The following DST variants were observed in gnomAD, a reference collection of about 807,000 sequenced individuals.
The protein encoded by DST is bullous pemphigoid antigen.
DST carries 253 observed loss-of-function variants against 875.2 expected under a neutral mutation model. That is an observed-to-expected ratio of 0.29 (90% CI 0.26 to 0.32). The LOEUF (loss-of-function observed/expected upper bound fraction) is 0.32. Among genes scored for constraint, DST ranks in the 10% least tolerant of loss-of-function variants. The pLI is 1.00. For missense variants in DST, 8,287 were observed against 9,111.6 expected (o/e 0.91, Z 3.68); for synonymous variants, 3,124 against 3,197.1 (o/e 0.98, Z 0.77).
At chr6:56,834,455 G>A (rs947686211) in intron 4 of DST, among the ~76,000 whole-genome samples, 4 of 151,980 alleles carry the variant, frequency 2.6e-5, no homozygotes, top group Admixed American at 2.0e-4. Flanking sequence ...AAATTAGCCA[G>A]GCGTGGTGGC....
intron 4 of DST, among the ~76,000 whole-genome samples, chr6:56,820,343 A>G (rs1431221527): frequency 6.6e-6 from 1 of 152,216 alleles, no homozygotes; most frequent in Admixed American, 6.5e-5. Context: ...ACTCATAACA[A>G]CTTGAGAGTG....
At chr6:56,490,330 G>A (rs542287929) in intron 85 of DST, among the ~76,000 whole-genome samples, 1 of 152,158 alleles carries the variant, frequency 6.6e-6, no homozygotes, top group East Asian at 1.9e-4. Context: ...TTTTCGGTTT[G>A]TCATCAAGAA....
At chr6:56,658,605 A>T (rs1332327375) in intron 10 of DST, among the ~76,000 whole-genome samples, 1 of 152,242 alleles carries the variant, frequency 6.6e-6, no homozygotes, top group East Asian at 1.9e-4. Flanking sequence ...TCAGCATAAA[A>T]ACAACACCAT....
At chr6:56,705,870 T>C (rs1224847619) in intron 5 of DST, among the ~76,000 whole-genome samples, 1 of 152,256 alleles carries the variant, frequency 6.6e-6, no homozygotes, top group Non-Finnish European at 1.5e-5. Flanking sequence ...TCTTTACAAA[T>C]TGACATTTTA....
chr6:56,596,478 A>T (rs1350464458), intron 47 of DST, among the ~76,000 whole-genome samples: 1 of 152,194 alleles, frequency 6.6e-6, no homozygotes, highest in East Asian at 1.9e-4. Flanking sequence ...TACTTTGGTC[A>T]ACTTACTAAC....
At chr6:56,662,033 G>C (rs985150289) in intron 10 of DST, among the ~76,000 whole-genome samples, 1 of 151,936 alleles carries the variant, frequency 6.6e-6, no homozygotes, top group Admixed American at 6.6e-5. Context: ...ATTTCATCAC[G>C]GGCACATCTT....
At chr6:56,843,001 G>T (rs1341053206) in intron 4 of DST, 2 of 1,338,128 alleles carry the variant, frequency 1.5e-6, no homozygotes, top group East Asian at 2.8e-5. Context: ...AAAGGCAGCG[G>T]TTGCCTCTCT....
At chr6:56,914,259 A>G (rs1189308918) in intron 2 of DST, among the ~76,000 whole-genome samples, 6 of 152,262 alleles carry the variant, frequency 3.9e-5, no homozygotes, top group Non-Finnish European at 8.8e-5. Context: ...CATTGCATCC[A>G]TATTAAAATT....
At chr6:56,727,206 A>G (rs1290995170) in intron 5 of DST, among the ~76,000 whole-genome samples, 3 of 152,170 alleles carry the variant, frequency 2.0e-5, no homozygotes, top group Non-Finnish European at 4.4e-5. Context: ...TGTGACCTGG[A>G]AGCCACCTCC....
chr6:56,537,837 T>C (rs2097041164), intron 61 of DST, among the ~76,000 whole-genome samples: 2 of 152,226 alleles, frequency 1.3e-5, no homozygotes, highest in Admixed American at 1.3e-4. Context: ...ACAGTAGTTC[T>C]ATGACCTGGG....
Position 56,696,326 on chromosome 6 carries a change from C to T in DST, c.1047+3327G>A, listed in dbSNP as rs893937971. ...TACAGGCATGTGCCACAACGCCCGGCGAATTTTGTATTTTCAGTAGAGACC... is the reference window on the plus strand; with the variant it reads ...TACAGGCATGTGCCACAACGCCCGGTGAATTTTGTATTTTCAGTAGAGACC... On this transcript the variant is annotated intron_variant, in intron 9 of 103. Transcript: ENST00000680361. 2.6e-5 allele frequency among the ~76,000 whole-genome samples: 4 copies of T among 152,078 alleles called. 1 individual carries two copies. Among genetic ancestry groups the T allele is most frequent in the South Asian group, 4.1e-4 (2 of 4,820 alleles).
intron 5 of DST, among the ~76,000 whole-genome samples, chr6:56,729,610 A>C (rs989193204): frequency 1.3e-5 from 2 of 151,058 alleles, no homozygotes; most frequent in African/African-American, 4.9e-5. Context: ...TCCATCTCAA[A>C]AAAAAAAAAA....
At chr6:56,551,594 T>C (rs2097323700) in intron 61 of DST, among the ~76,000 whole-genome samples, 1 of 152,202 alleles carries the variant, frequency 6.6e-6, no homozygotes, top group South Asian at 2.1e-4. Flanking sequence ...CAGTCATTTC[T>C]TGGCACTGAG....
intron 3 of DST, among the ~76,000 whole-genome samples, chr6:56,870,828 T>G (rs1036335705): frequency 2.6e-5 from 4 of 151,992 alleles, no homozygotes; most frequent in Non-Finnish European, 5.9e-5. Context: ...AGGCAAAAAC[T>G]TCAGGTATGT....
At chr6:56,486,925 T>A (rs1303501365) in intron 87 of DST, among the ~76,000 whole-genome samples, 179 bp downstream of exon 87, 7 of 152,086 alleles carry the variant, frequency 4.6e-5, no homozygotes, top group Non-Finnish European at 1.0e-4. Flanking sequence ...TAGTTAAAAA[T>A]TAATGAACAG....
At chr6:56,589,051 CG>C (rs2098220045) in intron 49 of DST, among the ~76,000 whole-genome samples, 1 of 152,086 alleles carries the variant, frequency 6.6e-6, no homozygotes, top group African/African-American at 2.4e-5. Flanking sequence ...GGGTACCCTC[CG>C]AAAATTTTTT....
At chr6:56,534,284 C>T (rs920208346) in intron 63 of DST, among the ~76,000 whole-genome samples, 1 of 151,960 alleles carries the variant, frequency 6.6e-6, no homozygotes, top group African/African-American at 2.4e-5. Flanking sequence ...TTTTAAAGTT[C>T]CAGAGGGGAG....
chr6:56,485,391 C>A lies in DST; in HGVS notation c.21128G>T (p.Arg7043Ile), dbSNP rs754770227. 10 of 1,613,962 alleles carry A rather than the reference C, an allele frequency of 6.2e-6. No individual in the cohort carries two copies. Reference sequence around the variant, plus strand: ...GTCTTCTGCCAGCTGGGGTTCAACTCTATATAACCAATCAATGAGAGCCTG... The same window carrying A: ...GTCTTCTGCCAGCTGGGGTTCAACTATATATAACCAATCAATGAGAGCCTG... ...ALQALIDWLY[R>I]VEPQLAEDQP... Residue 7043 changes from arginine to isoleucine, a missense_variant, in exon 88 of 104, where the codon AGA becomes ATA. Physicochemically the swap from Arg to Ile is moderately conservative, Grantham distance 97. Transcript: ENST00000680361.
chr6:56,869,976 C>T (rs934979432), intron 3 of DST, among the ~76,000 whole-genome samples: 1 of 152,008 alleles, frequency 6.6e-6, no homozygotes, highest in Non-Finnish European at 1.5e-5. Context: ...ATGAGCCACC[C>T]GCACCCAGCT....
Sources: gnomAD v4.1 joint callset for allele counts (sites outside exome capture counted in the v4.1 genomes callset) on GRCh38, gnomAD v4.1.1 for gene constraint, MANE v1.5 for transcripts, NCBI Gene and HGNC (gene_info 2026-07-23, HGNC 2026-07-21) for gene names.